TAF4: variants seen among roughly 807,000 people sequenced by gnomAD.
The protein encoded by TAF4 is TATA-box binding protein associated factor 4.
A neutral mutation model predicts 90.3 loss-of-function variants in TAF4; 9 were observed. That is an observed-to-expected ratio of 0.10 (90% confidence interval 0.06 to 0.17). The LOEUF (loss-of-function observed/expected upper bound fraction) is 0.17, where lower values mean the gene tolerates loss of function less well. Among genes scored for constraint, TAF4 ranks in the 10% least tolerant of loss-of-function variants. TAF4 has a pLI of 1.00. For missense variants in TAF4, 1,351 were observed against 1,370.7 expected (o/e 0.99, Z 0.23); for synonymous variants, 818 against 638.9 (o/e 1.28, Z -4.23).
intron 9 of TAF4, among the ~76,000 whole-genome samples, chr20:62,001,942 T>C (rs182045308): frequency 9.2e-5 from 14 of 152,336 alleles, no homozygotes; most frequent in Non-Finnish European, 8.8e-5. Context: ...GGGGCGTTAC[T>C]GTTCCCAGGA....
chr20:62,007,336 C>T (rs2055752466), intron 6 of TAF4, among the ~76,000 whole-genome samples: 1 of 152,220 alleles, frequency 6.6e-6, no homozygotes, highest in African/African-American at 2.4e-5. Context: ...GACAGAACCA[C>T]AAGGCCACCG....
chr20:61,977,271 G>A (rs1384765607), intron 14 of TAF4, among the ~76,000 whole-genome samples: 1 of 152,200 alleles, frequency 6.6e-6, no homozygotes, highest in Non-Finnish European at 1.5e-5. Flanking sequence ...GCCCAGCGGG[G>A]CACGTGCCAC....
At chr20:62,040,531 G>C (rs1238533776) in intron 1 of TAF4, among the ~76,000 whole-genome samples, 1 of 152,248 alleles carries the variant, frequency 6.6e-6, no homozygotes, top group Non-Finnish European at 1.5e-5. Context: ...CTCGACGGTG[G>C]TGGTGACGTG....
intron 1 of TAF4, among the ~76,000 whole-genome samples, chr20:62,023,774 AG>A (rs1282256319): frequency 6.8e-6 from 1 of 148,022 alleles, no homozygotes; most frequent in African/African-American, 2.5e-5. Context: ...AAAAAAAGAA[AG>A]AAAGAAAGAA....
At position 62,006,768 on chromosome 20, in the gene TAF4, A is replaced by G; in HGVS notation, c.1975-10T>C. 6.7e-7 allele frequency: 1 copy of G among 1,486,708 alleles called. No individual in the cohort carries two copies. The highest frequency in any genetic ancestry group is 9.0e-7 in the Non-Finnish European group (1 of 1,109,420). The allele number at this position is 1,486,708 out of a possible 1,614,324, so 92.1% of individuals were successfully genotyped here. ...AGGCGGGTAAGCTCCTCTGGGTGGA[A>G]AGACAGACACGAGGGGTCAGGCGGC... On this transcript the variant is annotated splice_polypyrimidine_tract_variant and intron_variant, in intron 6 of 14. Coordinates refer to ENST00000252996, the MANE Select transcript of TAF4 (RefSeq NM_003185.4). This position sits in a 1 kb window ranked among gnomAD's most constrained non-coding sequence, Gnocchi z 7.0.
At chr20:62,046,344 T>C (rs959161541) in intron 1 of TAF4, among the ~76,000 whole-genome samples, 1 of 152,268 alleles carries the variant, frequency 6.6e-6, no homozygotes, top group Non-Finnish European at 1.5e-5. Flanking sequence ...ACGTTTCTAT[T>C]CGCTTAAAAC....
intron 1 of TAF4, among the ~76,000 whole-genome samples, chr20:62,027,850 A>G (rs1255938475): frequency 6.6e-6 from 1 of 152,252 alleles, no homozygotes; most frequent in Admixed American, 6.5e-5. Flanking sequence ...CGCACGGGGC[A>G]AAGAAACAGT....
intron 1 of TAF4, among the ~76,000 whole-genome samples, chr20:62,055,262 A>AAGACGATCGATTCACGCTGCCTGCGGGCG (rs2056055060): frequency 3.7e-5 from 2 of 54,632 alleles, no homozygotes; most frequent in African/African-American, 1.3e-4. Context: ...GCCTGCGGGC[A>AAGACGATCGATTCACGCTGCCTGCGGGCG]GTCCTGCAAG....
Position 62,030,376 on chromosome 20 carries a change from C to T in TAF4, c.1361-15669G>A, listed in dbSNP as rs762986130. ...AGCCTTTTCATGCCAAAGCCCAATA[C>T]TAATTTAGATTCGCTTTCATGCGTA... On this transcript the variant is annotated intron_variant, in intron 1 of 14. Transcript: ENST00000252996. Among the ~76,000 whole-genome samples the T allele has an allele frequency of 9.8e-5, 15 of 152,344 alleles. No homozygotes were observed. The South Asian group carries it at 1.0e-3, about 11-fold the overall frequency.
intron 1 of TAF4, among the ~76,000 whole-genome samples, chr20:62,052,039 G>T (rs1164279530): frequency 6.6e-6 from 1 of 152,142 alleles, no homozygotes; most frequent in Non-Finnish European, 1.5e-5. Context: ...TGACAGGAAG[G>T]CCACCTTCCC....
rs75832714 is a variant in TAF4 at position 62,003,646 on chromosome 20, T to C, written c.2371+85A>G. 714 of 1,433,734 alleles carry C rather than the reference T, an allele frequency of 5.0e-4. 6 individuals are homozygous for C. In the African/African-American group the frequency reaches 9.6e-3, roughly 19 times the overall value. 88.8% of individuals were successfully genotyped at this position (1,433,734 alleles called of 1,614,324 possible). A position where few individuals can be genotyped will look rare whatever the true frequency, so the allele number is the denominator to read the frequency against. ...GCCAATTTTATGTAAATGTACATTT[T>C]ACCCAATTAAATAAAAGCCCAATGG... On this transcript the variant is annotated intron_variant, in intron 8 of 14. Coordinates refer to ENST00000252996, the MANE Select transcript of TAF4 (RefSeq NM_003185.4).
chr20:62,047,665 G>A (rs1743000842), intron 1 of TAF4, among the ~76,000 whole-genome samples: 2 of 152,188 alleles, frequency 1.3e-5, no homozygotes, highest in Non-Finnish European at 1.5e-5. Flanking sequence ...GGAAACGGTG[G>A]CGGAAGATGC....
chr20:61,978,542 C>T (rs1315471027), intron 14 of TAF4, among the ~76,000 whole-genome samples: 2 of 150,998 alleles, frequency 1.3e-5, no homozygotes, highest in Admixed American at 6.6e-5. Flanking sequence ...AGGCCGGGGG[C>T]GAGACCAACC....
At chr20:62,047,867 G>T (rs1421844291) in intron 1 of TAF4, among the ~76,000 whole-genome samples, 1 of 152,306 alleles carries the variant, frequency 6.6e-6, no homozygotes, top group East Asian at 1.9e-4. Flanking sequence ...GAAGCCGCAG[G>T]TCTATTTTTA....
intron 2 of TAF4, among the ~76,000 whole-genome samples, chr20:62,013,627 A>G (rs542695626): frequency 7.2e-5 from 11 of 152,376 alleles, no homozygotes; most frequent in African/African-American, 2.6e-4. Context: ...TCCAGAGGGT[A>G]CGCAGCTCAC....
chr20:62,020,326 T>A (rs2055835668), intron 1 of TAF4, among the ~76,000 whole-genome samples: 1 of 152,128 alleles, frequency 6.6e-6, no homozygotes, highest in Non-Finnish European at 1.5e-5. Flanking sequence ...CCAGCTCTCC[T>A]CCTGAGGCTA....
chr20:62,031,594 CCTCCCCCTACCCTA>C (rs1412437168), intron 1 of TAF4, among the ~76,000 whole-genome samples: 1 of 152,208 alleles, frequency 6.6e-6, no homozygotes, highest in Non-Finnish European at 1.5e-5. Context: ...CACCTCCCAG[CCTCCCCCTACCCTA>C]CTCCACTAGC....
At chr20:62,059,829 CT>C (rs1469429621) in intron 1 of TAF4, among the ~76,000 whole-genome samples, 3 of 151,992 alleles carry the variant, frequency 2.0e-5, no homozygotes, top group African/African-American at 7.2e-5. Context: ...CTCCAGAGCC[CT>C]GTTACACCTC....
rs1212340253 is a variant in TAF4, at chr20:62,064,764, C to A, written c.1047G>T (p.Arg349Ser). The change falls in exon 1 of 15, where the codon AGG (arginine) becomes AGT (serine). Residue 349 changes from arginine to serine, a missense_variant. Arg to Ser is a moderately radical substitution (Grantham distance 110). Transcript: ENST00000252996. ...APGVKAESPK[R>S]VVQAAPPAAQ... ...CCGCCGGGGGCGCCGCCTGCACCAC[C>A]CTCTTGGGCGACTCGGCCTTGACCC... The A allele has an allele frequency of 8.8e-7, 1 of 1,140,298 alleles. No homozygotes were observed. The allele number at this position is 1,140,298 out of a possible 1,614,324, so 70.6% of individuals were successfully genotyped here. A position where few individuals can be genotyped will look rare whatever the true frequency, so the allele number is the denominator to read the frequency against.
Sources: gnomAD v4.1 joint callset for allele counts (sites outside exome capture counted in the v4.1 genomes callset) on GRCh38, gnomAD v4.1.1 for gene constraint, Gnocchi (gnomAD v3.1) non-coding constraint, MANE v1.5 for transcripts, NCBI Gene and HGNC (gene_info 2026-07-23, HGNC 2026-07-21) for gene names.